KCNK10: variants seen among roughly 807,000 people sequenced by gnomAD.
KCNK10 encodes the protein potassium channel subfamily K member 10.
In KCNK10, 25 loss-of-function variants were observed where a neutral mutation model predicts 47.7. The ratio of observed to expected loss-of-function variants is 0.52; its 90% CI spans 0.38 to 0.73. The LOEUF (loss-of-function observed/expected upper bound fraction) is 0.73, where lower values mean the gene tolerates loss of function less well. KCNK10 is among the 30% of genes least tolerant of loss of function. The pLI is 0.00. For synonymous variants in KCNK10, 303 were observed against 285.6 expected (o/e 1.06, Z -0.61); for missense variants, 563 against 714.5 (o/e 0.79, Z 2.42).
At chr14:88,291,913 C>T (rs1237169002) in intron 1 of KCNK10, among the ~76,000 whole-genome samples, 2 of 152,120 alleles carry the variant, frequency 1.3e-5, no homozygotes, top group Non-Finnish European at 2.9e-5. Flanking sequence ...CAGAAAAAAG[C>T]CTTCCCCAAG....
At chr14:88,291,770 G>A (rs1344692842) in intron 1 of KCNK10, among the ~76,000 whole-genome samples, 1 of 152,210 alleles carries the variant, frequency 6.6e-6, no homozygotes, top group South Asian at 2.1e-4. Context: ...TGTTTGGCCT[G>A]TAATGCAGGC....
At chr14:88,214,500 T>C (rs8010735) in intron 4 of KCNK10, among the ~76,000 whole-genome samples, 3 of 152,114 alleles carry the variant, frequency 2.0e-5, no homozygotes, top group South Asian at 4.1e-4. Flanking sequence ...TGGTACAGTA[T>C]AGGCCCCTCT....
chr14:88,209,246 C>T (rs1164703767), intron 4 of KCNK10, among the ~76,000 whole-genome samples: 3 of 152,188 alleles, frequency 2.0e-5, no homozygotes, highest in African/African-American at 7.2e-5. Context: ...CAAACTGGCC[C>T]TTGTTTTCAA....
chr14:88,218,184 A>G (rs939295895), intron 4 of KCNK10, among the ~76,000 whole-genome samples: 2 of 152,162 alleles, frequency 1.3e-5, no homozygotes, highest in African/African-American at 4.8e-5. Context: ...ATTTTAAGTT[A>G]ACCCTTTTGC....
At chr14:88,196,546 T>C (rs1393843776) in intron 4 of KCNK10, among the ~76,000 whole-genome samples, 1 of 152,236 alleles carries the variant, frequency 6.6e-6, no homozygotes, top group Non-Finnish European at 1.5e-5. Flanking sequence ...TGTTTGCATC[T>C]TTATGTAATT....
intron 1 of KCNK10, among the ~76,000 whole-genome samples, chr14:88,312,153 G>T (rs1888340852): frequency 1.3e-5 from 2 of 152,094 alleles, no homozygotes; most frequent in African/African-American, 4.8e-5. Flanking sequence ...ACTCGCCTCT[G>T]CCCAGAACAC....
chr14:88,187,625 A>ACCCC (rs147398923), intron 6 of KCNK10, among the ~76,000 whole-genome samples: 2 of 74,120 alleles, frequency 2.7e-5, no homozygotes, highest in African/African-American at 6.4e-5. Flanking sequence ...GACAGGCTGC[A>ACCCC]CCCCCCCACA....
At chr14:88,256,785 C>CT (rs1162842710) in intron 2 of KCNK10, among the ~76,000 whole-genome samples, 1 of 152,132 alleles carries the variant, frequency 6.6e-6, no homozygotes, top group South Asian at 2.1e-4. Context: ...TTTCTGGTTT[C>CT]TTTTTTTCTT....
At chr14:88,197,511 T>A (rs1884952211) in intron 4 of KCNK10, among the ~76,000 whole-genome samples, 1 of 127,598 alleles carries the variant, frequency 7.8e-6, no homozygotes, top group East Asian at 2.4e-4. Context: ...GAGGCAGAGG[T>A]TGCAGCGAGC....
At position 88,249,372 on chromosome 14, in the gene KCNK10, G is replaced by A. The variant is rs373506425; in HGVS notation, c.403-8552C>T. ...GGGTGACCCAGCTTCAACACCTTATGTTAAGACACAAAGCCCTGCCACTCT... is the reference window on the plus strand; with the variant it reads ...GGGTGACCCAGCTTCAACACCTTATATTAAGACACAAAGCCCTGCCACTCT... On this transcript the variant is annotated intron_variant, in intron 2 of 6. Coordinates refer to ENST00000319231, the MANE Select transcript of KCNK10 (RefSeq NM_138317.3). Among the ~76,000 whole-genome samples, 94 of 152,290 alleles carry A rather than the reference G, an allele frequency of 6.2e-4. 4 individuals carry two copies. In the East Asian group the frequency reaches 0.016, roughly 27 times the overall value.
intron 1 of KCNK10, among the ~76,000 whole-genome samples, chr14:88,295,124 G>A (rs537505826): frequency 8.5e-5 from 13 of 152,186 alleles, no homozygotes; most frequent in South Asian, 2.1e-4. Flanking sequence ...TGACAGTAGC[G>A]TTGTTCTGTG....
At chr14:88,303,875 C>T (rs1888156000) in intron 1 of KCNK10, among the ~76,000 whole-genome samples, 1 of 152,094 alleles carries the variant, frequency 6.6e-6, no homozygotes. Flanking sequence ...GAAGTCCTTC[C>T]TGAATCGCAC....
At chr14:88,304,621 T>C (rs1888170308) in intron 1 of KCNK10, among the ~76,000 whole-genome samples, 1 of 152,240 alleles carries the variant, frequency 6.6e-6, no homozygotes, top group African/African-American at 2.4e-5. Flanking sequence ...GTGTCCATTC[T>C]GTGATCTATT....
At chr14:88,192,839 G>A (rs76452610) in intron 4 of KCNK10, among the ~76,000 whole-genome samples, 2,575 of 152,318 alleles carry the variant, frequency 0.017, 26 homozygotes, top group East Asian at 0.043. Flanking sequence ...CCACAATGGT[G>A]GTGATGGATT....
chr14:88,187,673 T>C (rs1334265477), intron 6 of KCNK10, among the ~76,000 whole-genome samples: 1 of 151,736 alleles, frequency 6.6e-6, no homozygotes. Context: ...CTATTTATTT[T>C]CATTTTCATT....
At position 88,256,383 on chromosome 14, in the gene KCNK10, G is replaced by C. The variant is rs182948903; in HGVS notation, c.402+6819C>G. Among the ~76,000 whole-genome samples the C allele has an allele frequency of 2.3e-3, 356 of 152,278 alleles. 3 individuals carry two copies. Among genetic ancestry groups the C allele is most frequent in the Non-Finnish European group, 2.7e-3 (184 of 68,026 alleles). The stretch of plus-strand genomic sequence containing the variant: ...CGCCTGAGCCCACCGGGTCCCTCAG[G>C]TTCTCTGAAACTGTGCCTCAAACCA... On this transcript the variant is annotated intron_variant, in intron 2 of 6. Transcript: ENST00000319231.
chr14:88,238,570 G>A (rs966955341), intron 3 of KCNK10, among the ~76,000 whole-genome samples: 6 of 152,286 alleles, frequency 3.9e-5, no homozygotes, highest in Admixed American at 2.6e-4. Context: ...AGCTACTTAG[G>A]GGGCTGAGGT....
At chr14:88,307,769 A>G (rs1224046829) in intron 1 of KCNK10, among the ~76,000 whole-genome samples, 1 of 152,160 alleles carries the variant, frequency 6.6e-6, no homozygotes, top group Non-Finnish European at 1.5e-5. Context: ...GTGAAGAATA[A>G]ATTACATATT....
chr14:88,193,429 A>G (rs1595072631), intron 4 of KCNK10, among the ~76,000 whole-genome samples: 2 of 151,470 alleles, frequency 1.3e-5, no homozygotes, highest in South Asian at 4.2e-4. Flanking sequence ...AAGCTGAAAA[A>G]CTCTAAGCTG....
Sources: allele counts gnomAD v4.1 joint callset (sites outside exome capture counted in the v4.1 genomes callset), GRCh38; gene constraint gnomAD v4.1.1; transcripts MANE v1.5; gene names NCBI Gene and HGNC (gene_info 2026-07-23, HGNC 2026-07-21).